PHACTR1: variants seen among roughly 807,000 people sequenced by gnomAD.
The protein encoded by PHACTR1 is RPEL repeat containing 1.
PHACTR1 carries 16 observed loss-of-function variants against 69.2 expected under a neutral mutation model. That is an observed-to-expected ratio of 0.23 (90% CI 0.16 to 0.35). The LOEUF (loss-of-function observed/expected upper bound fraction) is 0.35, where lower values mean the gene tolerates loss of function less well. PHACTR1 is among the 10% of genes least tolerant of loss of function. The pLI, the probability that PHACTR1 is intolerant of heterozygous loss-of-function variation, is 1.00. For synonymous variants in PHACTR1, 312 were observed against 284.5 expected (o/e 1.10, Z -0.97); for missense variants, 510 against 734.7 (o/e 0.69, Z 3.54).
intron 4 of PHACTR1, among the ~76,000 whole-genome samples, chr6:12,829,316 A>G (rs1355278538): frequency 6.6e-6 from 1 of 152,190 alleles, no homozygotes; most frequent in African/African-American, 2.4e-5. Flanking sequence ...AGCAGAAACA[A>G]CTGTTTACAT....
chr6:12,807,023 A>G (rs1369160195), intron 4 of PHACTR1, among the ~76,000 whole-genome samples: 1 of 152,190 alleles, frequency 6.6e-6, no homozygotes, highest in Non-Finnish European at 1.5e-5. Context: ...GTGGTTAAAA[A>G]CACAAAGATT....
At chr6:13,199,998 T>C (rs1234168801) in intron 7 of PHACTR1, among the ~76,000 whole-genome samples, 1 of 152,206 alleles carries the variant, frequency 6.6e-6, no homozygotes. Flanking sequence ...GGAAAATTGC[T>C]CTTTTACTTT....
chr6:13,000,660 G>GGGAAGGAA lies in PHACTR1; in HGVS notation c.251-52681_251-52674dup, dbSNP rs147732283. Among the ~76,000 whole-genome samples, 555 of 128,408 alleles carry GGGAAGGAA rather than the reference G, an allele frequency of 4.3e-3. 3 individuals carry two copies. The highest frequency in any genetic ancestry group is 0.016 in the African/African-American group (522 of 32,068). 84.2% of individuals were successfully genotyped at this position (128,408 alleles called of 152,430 possible). On this transcript the variant is annotated intron_variant, in intron 4 of 14. Coordinates refer to ENST00000332995, the MANE Select transcript of PHACTR1 (RefSeq NM_030948.6). ...AGGAAGGGGGGAGGGAGGGAGGAAGGGGAAGGAAGGAAGGAAGGAAGGAAG... is the reference window on the plus strand; with the variant it reads ...AGGAAGGGGGGAGGGAGGGAGGAAGGGGAAGGAAGGAAGGAAGGAAGGAAGGAAGGAAG...
At chr6:13,218,812 A>C (rs1562013105) in intron 8 of PHACTR1, among the ~76,000 whole-genome samples, 8 of 145,862 alleles carry the variant, frequency 5.5e-5, no homozygotes. Context: ...AAGAAGAAGA[A>C]GGAGGAGGAG....
chr6:13,281,451 G>A (rs1584439304), intron 12 of PHACTR1: 1 of 315,124 alleles, frequency 3.2e-6, no homozygotes, highest in South Asian at 2.5e-5. Flanking sequence ...CTACTCGGGA[G>A]GCTGAGGCAG....
chr6:12,718,587 G>A (rs892864323), intron 2 of PHACTR1, 112 bp from the exon 3 acceptor site: 7 of 381,776 alleles, frequency 1.8e-5, no homozygotes, highest in Admixed American at 1.7e-4. Context: ...TGTCAATCAA[G>A]TAGTAGAATA....
At chr6:13,151,645 G>A (rs1469625601) in intron 5 of PHACTR1, among the ~76,000 whole-genome samples, 24 of 152,180 alleles carry the variant, frequency 1.6e-4, no homozygotes, top group Admixed American at 1.6e-3. Context: ...AAAAGAATGA[G>A]GTGGGAAGAG....
chr6:13,260,103 C>T (rs550893546), intron 10 of PHACTR1, among the ~76,000 whole-genome samples: 4 of 152,184 alleles, frequency 2.6e-5, no homozygotes, highest in South Asian at 2.1e-4. Flanking sequence ...CAAATGAGCC[C>T]CTATTATGTG....
At chr6:13,243,727 T>G (rs1773185215) in intron 10 of PHACTR1, among the ~76,000 whole-genome samples, 1 of 152,202 alleles carries the variant, frequency 6.6e-6, no homozygotes. Flanking sequence ...GTTTGGTAGT[T>G]TTTTGATCCT....
intron 4 of PHACTR1, among the ~76,000 whole-genome samples, chr6:12,800,510 T>G (rs1773571133): frequency 6.6e-6 from 1 of 152,200 alleles, no homozygotes; most frequent in South Asian, 2.1e-4. Flanking sequence ...TGACTCCTAA[T>G]TTTAATATGT....
intron 5 of PHACTR1, among the ~76,000 whole-genome samples, chr6:13,081,592 CAGGAGGATCACTTTAG>C (rs1561802550): frequency 1.3e-5 from 2 of 152,116 alleles, no homozygotes; most frequent in Non-Finnish European, 2.9e-5. Flanking sequence ...GAGGCCAAAG[CAGGAGGATCACTTTAG>C]GCTAGAAGTT....
intron 8 of PHACTR1, among the ~76,000 whole-genome samples, chr6:13,221,680 C>T (rs189299772): frequency 6.6e-6 from 1 of 152,322 alleles, no homozygotes; most frequent in East Asian, 1.9e-4. Flanking sequence ...TGAATCAACA[C>T]GTGGGACAGT....
chr6:13,143,807 A>G (rs548284190), intron 5 of PHACTR1, among the ~76,000 whole-genome samples: 70 of 152,210 alleles, frequency 4.6e-4, no homozygotes, highest in African/African-American at 1.7e-3. Flanking sequence ...TAAAAAATTT[A>G]TATAAAATAT....
intron 8 of PHACTR1, among the ~76,000 whole-genome samples, chr6:13,209,950 G>A (rs927688987): frequency 1.1e-4 from 16 of 152,004 alleles, no homozygotes; most frequent in Non-Finnish European, 1.5e-4. Flanking sequence ...CATCTTGTTC[G>A]TGTTCCCCTG....
At chr6:12,957,408 G>C in intron 4 of PHACTR1, 1 of 985,504 alleles carries the variant, frequency 1.0e-6, no homozygotes, top group Non-Finnish European at 1.2e-6. Context: ...CGGGGGTCTG[G>C]TTTGGATCCC....
chr6:12,981,896 T>A (rs1795565279), intron 4 of PHACTR1, among the ~76,000 whole-genome samples: 1 of 152,224 alleles, frequency 6.6e-6, no homozygotes, highest in Non-Finnish European at 1.5e-5. Flanking sequence ...AGTTGGCAGT[T>A]GCTTGAACCC....
At chr6:13,021,396 T>C (rs1800954614) in intron 4 of PHACTR1, among the ~76,000 whole-genome samples, 1 of 152,266 alleles carries the variant, frequency 6.6e-6, no homozygotes, top group African/African-American at 2.4e-5. Flanking sequence ...ATTGTATGGA[T>C]ATATCACATG....
chr6:12,898,561 T>C (rs757215702), intron 4 of PHACTR1, among the ~76,000 whole-genome samples: 9 of 152,230 alleles, frequency 5.9e-5, no homozygotes, highest in Non-Finnish European at 1.2e-4. Context: ...CCTAAATGTC[T>C]CAGACATATC....
chr6:13,117,043 T>A lies in PHACTR1; in HGVS notation c.416-43161T>A, dbSNP rs1164826383. On this transcript the variant is annotated intron_variant, in intron 5 of 14. Transcript: ENST00000332995. Reference sequence around the variant, plus strand: ...CTGAGTGAGGTCTGAGCTGACTTAGTCACTCAGACCCAGCCTTAAATCTGC... The same window carrying A: ...CTGAGTGAGGTCTGAGCTGACTTAGACACTCAGACCCAGCCTTAAATCTGC... Among the ~76,000 whole-genome samples, 3 of 152,214 alleles carry A rather than the reference T, an allele frequency of 2.0e-5. No individual in the cohort carries two copies. The East Asian group carries it at 5.8e-4, about 29-fold the overall frequency.
Sources: gnomAD v4.1 joint callset for allele counts (sites outside exome capture counted in the v4.1 genomes callset) on GRCh38, gnomAD v4.1.1 for gene constraint, MANE v1.5 for transcripts, NCBI Gene and HGNC (gene_info 2026-07-23, HGNC 2026-07-21) for gene names.